PTPRD: variants seen among roughly 807,000 people sequenced by gnomAD.
The protein encoded by PTPRD is protein tyrosine phosphatase receptor type D.
Under a neutral mutation model 214.5 loss-of-function variants are expected in PTPRD, and 34 were observed. The ratio of observed to expected loss-of-function variants is 0.16; its 90% CI spans 0.12 to 0.21. PTPRD has a LOEUF of 0.21. Among genes scored for constraint, PTPRD ranks in the 10% least tolerant of loss-of-function variants. The probability of loss-of-function intolerance (pLI) is 1.00; values close to 1 mark genes in which losing one functional copy is unlikely to be tolerated. For missense variants in PTPRD, 2,545 were observed against 2,398.7 expected, an observed-to-expected ratio of 1.06 and a Z score of -1.27; for synonymous variants, 1,128 against 845.7, an observed-to-expected ratio of 1.33 and a Z score of -5.79.
At chr9:10,136,713 AC>A (rs1449360020) in intron 3 of PTPRD, among the ~76,000 whole-genome samples, 2 of 84,912 alleles carry the variant, frequency 2.4e-5, no homozygotes, top group Non-Finnish European at 4.4e-5. Flanking sequence ...ATCTAATTAA[AC>A]TAAAGAGCTT....
chr9:9,916,302 C>T (rs1246606982), intron 5 of PTPRD, among the ~76,000 whole-genome samples: 1 of 151,664 alleles, frequency 6.6e-6, no homozygotes, highest in African/African-American at 2.4e-5. Context: ...TTCACTGATA[C>T]ACACAGGAGA....
intron 10 of PTPRD, among the ~76,000 whole-genome samples, chr9:9,161,935 T>C (rs1016569548): frequency 3.3e-5 from 5 of 152,120 alleles, no homozygotes; most frequent in African/African-American, 4.8e-5. Context: ...CATTAATATA[T>C]AGTACAGCCT....
intron 10 of PTPRD, among the ~76,000 whole-genome samples, chr9:9,143,759 G>C (rs1021228108): frequency 6.6e-6 from 1 of 152,220 alleles, no homozygotes; most frequent in East Asian, 1.9e-4. Flanking sequence ...CTCAGAGAGA[G>C]GAAGGCTTGA....
chr9:8,690,584 C>T (rs897164402), intron 12 of PTPRD, among the ~76,000 whole-genome samples: 2 of 151,344 alleles, frequency 1.3e-5, no homozygotes, highest in African/African-American at 4.9e-5. Context: ...TCCATAGGGG[C>T]TAATTTTATT....
chr9:10,427,716 C>CA (rs1043395529), intron 2 of PTPRD, among the ~76,000 whole-genome samples: 10 of 151,418 alleles, frequency 6.6e-5, no homozygotes, highest in South Asian at 2.1e-4. Flanking sequence ...TTGGATATAG[C>CA]AAAAAAAAGA....
chr9:9,786,283 C>T (rs182067088), intron 5 of PTPRD, among the ~76,000 whole-genome samples: 7 of 152,186 alleles, frequency 4.6e-5, no homozygotes, highest in Admixed American at 4.6e-4. Flanking sequence ...CCTACTCTAA[C>T]CCATTATAAG....
intron 11 of PTPRD, among the ~76,000 whole-genome samples, chr9:8,741,677 A>G (rs2091975642): frequency 7.9e-6 from 1 of 126,876 alleles, no homozygotes; most frequent in African/African-American, 3.0e-5. Flanking sequence ...CCCAACCCCC[A>G]CTTCCCAGGT....
chr9:9,652,622 T>TC, intron 7 of PTPRD, among the ~76,000 whole-genome samples: 1 of 152,156 alleles, frequency 6.6e-6, no homozygotes, highest in Non-Finnish European at 1.5e-5. Flanking sequence ...TACCACTTTT[T>TC]TTTTTTTTTG....
chr9:8,652,599 G>C (rs181715784), intron 12 of PTPRD, among the ~76,000 whole-genome samples: 30 of 152,298 alleles, frequency 2.0e-4, no homozygotes. Flanking sequence ...CCTCCTCCCA[G>C]GTTGGACTTA....
At chr9:9,378,058 T>C (rs1227136666) in intron 9 of PTPRD, among the ~76,000 whole-genome samples, 1 of 152,076 alleles carries the variant, frequency 6.6e-6, no homozygotes, top group East Asian at 1.9e-4. Flanking sequence ...TTGTTACCGA[T>C]AATGAACCTC....
intron 2 of PTPRD, among the ~76,000 whole-genome samples, chr9:10,367,136 G>T (rs1488928375): frequency 1.3e-4 from 19 of 150,564 alleles, no homozygotes; most frequent in Non-Finnish European, 2.9e-5. Flanking sequence ...ATAGATACAG[G>T]TTTACAATGT....
At chr9:10,588,427 T>TACACACACACACACACACACACAC (rs3076471) in intron 2 of PTPRD, among the ~76,000 whole-genome samples, 1 of 146,610 alleles carries the variant, frequency 6.8e-6, no homozygotes, top group African/African-American at 2.5e-5. Flanking sequence ...TGGCTTATTG[T>TACACACACACACACACACACACAC]ACACACACAC....
chr9:8,571,178 T>C (rs2091039638), intron 14 of PTPRD, among the ~76,000 whole-genome samples: 2 of 152,106 alleles, frequency 1.3e-5, no homozygotes, highest in African/African-American at 4.8e-5. Context: ...TGCTTTGTTG[T>C]CATTAGCAAA....
At chr9:9,106,567 C>G (rs28539857) in intron 10 of PTPRD, among the ~76,000 whole-genome samples, 1 of 128,952 alleles carries the variant, frequency 7.8e-6, no homozygotes, top group South Asian at 2.4e-4. Flanking sequence ...AAAAGGCAGC[C>G]GATGGAGGGG....
intron 11 of PTPRD, among the ~76,000 whole-genome samples, chr9:8,900,162 A>G (rs2098655916): frequency 1.3e-5 from 2 of 152,184 alleles, no homozygotes; most frequent in African/African-American, 4.8e-5. Context: ...AATTTGTTAA[A>G]ATGATATTTC....
chr9:9,305,122 C>G (rs1464980413), intron 9 of PTPRD, among the ~76,000 whole-genome samples: 1 of 151,512 alleles, frequency 6.6e-6, no homozygotes, highest in African/African-American at 2.4e-5. Context: ...ATCTTTACCT[C>G]CTCTTTCTGC....
intron 7 of PTPRD, among the ~76,000 whole-genome samples, chr9:9,704,248 TTC>T (rs1482923235): frequency 1.3e-5 from 2 of 151,812 alleles, no homozygotes; most frequent in African/African-American, 4.8e-5. Context: ...AATCGCATTC[TTC>T]TTTTTTCTTT....
chr9:9,547,366 T>C (rs571770585), intron 8 of PTPRD, among the ~76,000 whole-genome samples: 1 of 152,244 alleles, frequency 6.6e-6, no homozygotes, highest in African/African-American at 2.4e-5. Context: ...GGAAATCCTC[T>C]CTCCCTTTTT....
intron 11 of PTPRD, among the ~76,000 whole-genome samples, chr9:8,887,010 G>A (rs912852001): frequency 1.3e-5 from 2 of 152,150 alleles, no homozygotes; most frequent in African/African-American, 4.8e-5. Context: ...AGCATTTAAA[G>A]CATATGGCAT....
Sources: allele counts gnomAD v4.1 joint callset (sites outside exome capture counted in the v4.1 genomes callset), GRCh38; gene constraint gnomAD v4.1.1; transcripts MANE v1.5; gene names NCBI Gene and HGNC (gene_info 2026-07-23, HGNC 2026-07-21).